Variants in CDKAL1 observed in about 807,000 individuals in gnomAD.
CDKAL1 encodes the protein CDKAL1 threonylcarbamoyladenosine tRNA methylthiotransferase.
CDKAL1 carries 32 observed loss-of-function variants against 68.2 expected under a neutral mutation model. That is an observed-to-expected ratio of 0.47 (90% CI 0.35 to 0.63). The LOEUF is 0.63. CDKAL1 is among the 30% of genes least tolerant of loss of function. The probability of loss-of-function intolerance (pLI) is 0.00; values close to 1 mark genes in which losing one functional copy is unlikely to be tolerated. For missense variants in CDKAL1, 606 were observed against 696.7 expected, an observed-to-expected ratio of 0.87 and a Z score of 1.47; for synonymous variants, 234 against 244.3, an observed-to-expected ratio of 0.96 and a Z score of 0.39.
intron 7 of CDKAL1, among the ~76,000 whole-genome samples, chr6:20,776,664 G>A (rs796716276): frequency 1.3e-5 from 2 of 152,128 alleles, no homozygotes; most frequent in Non-Finnish European, 2.9e-5. Flanking sequence ...GATGGCATGA[G>A]GAGGTCAACA....
intron 8 of CDKAL1, among the ~76,000 whole-genome samples, chr6:20,819,017 A>AT (rs1458391215): frequency 6.6e-6 from 1 of 152,088 alleles, no homozygotes; most frequent in African/African-American, 2.4e-5. Flanking sequence ...TAAAACAATC[A>AT]TTTTGTTGAA....
At chr6:20,549,647 C>A (rs1454610745) in intron 4 of CDKAL1, among the ~76,000 whole-genome samples, 4 of 150,622 alleles carry the variant, frequency 2.7e-5, no homozygotes. Flanking sequence ...CTCTTTGTGC[C>A]CCATTCTGGA....
At chr6:20,585,370 C>T (rs1005990824) in intron 4 of CDKAL1, among the ~76,000 whole-genome samples, 1 of 152,080 alleles carries the variant, frequency 6.6e-6, no homozygotes, top group East Asian at 1.9e-4. Context: ...TGTTTTTTGA[C>T]ACCACATTCT....
intron 10 of CDKAL1, among the ~76,000 whole-genome samples, chr6:20,991,579 C>T (rs1020235968): frequency 5.9e-5 from 9 of 151,430 alleles, no homozygotes; most frequent in African/African-American, 2.2e-4. Context: ...TGGTGGCGGG[C>T]GCCTGTAGTC....
chr6:20,908,092 G>T (rs930316558), intron 9 of CDKAL1, among the ~76,000 whole-genome samples: 1 of 152,136 alleles, frequency 6.6e-6, no homozygotes, highest in South Asian at 2.1e-4. Context: ...CCTTACCAGC[G>T]AAGGGCCTTC....
chr6:20,971,727 A>G (rs1581937821), intron 10 of CDKAL1, among the ~76,000 whole-genome samples: 1 of 152,242 alleles, frequency 6.6e-6, no homozygotes, highest in Admixed American at 6.5e-5. Context: ...AATCAGTTTT[A>G]TCATTAATCT....
At chr6:20,937,579 C>T (rs547877095) in intron 9 of CDKAL1, among the ~76,000 whole-genome samples, 2 of 152,356 alleles carry the variant, frequency 1.3e-5, no homozygotes, top group South Asian at 2.1e-4. Context: ...TCAGTCTCTT[C>T]ACTTCCAATC....
intron 13 of CDKAL1, among the ~76,000 whole-genome samples, chr6:21,154,565 G>A (rs9295497): frequency 0.079 from 12,032 of 152,202 alleles, 657 homozygotes; most frequent in East Asian, 0.27. Flanking sequence ...GGTGTAACTA[G>A]GTCTTTTGAT....
intron 13 of CDKAL1, among the ~76,000 whole-genome samples, chr6:21,133,693 C>G (rs1775438971): frequency 6.6e-6 from 1 of 152,190 alleles, no homozygotes; most frequent in Non-Finnish European, 1.5e-5. Context: ...ATTAGTTATT[C>G]ATTCATCTTG....
chr6:21,217,566 C>T lies in CDKAL1; in HGVS notation c.1549-13282C>T, dbSNP rs570091837. ...AGGCTGGAGTGCAATAACACGATCT[C>T]GGCTCACTGCAACCTCTGCCTCCCA... On this transcript the variant is annotated intron_variant, in intron 15 of 15. Coordinates refer to ENST00000274695, the MANE Select transcript of CDKAL1 (RefSeq NM_017774.3). Among the ~76,000 whole-genome samples the T allele has an allele frequency of 1.6e-4, 25 of 151,982 alleles. 1 individual carries two copies. The South Asian group carries it at 3.3e-3, about 20-fold the overall frequency.
At chr6:20,916,221 G>A (rs561047385) in intron 9 of CDKAL1, among the ~76,000 whole-genome samples, 6 of 152,196 alleles carry the variant, frequency 3.9e-5, no homozygotes, top group Non-Finnish European at 8.8e-5. Context: ...AATAAGGCCT[G>A]TAGTTAACAG....
intron 8 of CDKAL1, among the ~76,000 whole-genome samples, chr6:20,792,064 T>C (rs2150391862): frequency 6.6e-6 from 1 of 152,330 alleles, no homozygotes; most frequent in South Asian, 2.1e-4. Flanking sequence ...GACGAGGGCC[T>C]GTCAGTTTTT....
chr6:20,597,779 G>A (rs1019627217), intron 4 of CDKAL1, among the ~76,000 whole-genome samples: 5 of 152,086 alleles, frequency 3.3e-5, no homozygotes, highest in Non-Finnish European at 5.9e-5. Context: ...AAACCCTGCC[G>A]GATACCCATT....
chr6:20,802,312 C>CAAT (rs1349564349), intron 8 of CDKAL1, among the ~76,000 whole-genome samples: 81 of 99,688 alleles, frequency 8.1e-4, no homozygotes, highest in South Asian at 4.1e-3. Flanking sequence ...ACAACAACAA[C>CAAT]AACAATAATA....
chr6:20,830,543 T>C (rs1777674108), intron 8 of CDKAL1, among the ~76,000 whole-genome samples: 3 of 152,178 alleles, frequency 2.0e-5, no homozygotes, highest in South Asian at 2.1e-4. Context: ...AAACTAGTGG[T>C]AACATCTAAC....
chr6:20,790,614 C>A (rs1289741920), intron 8 of CDKAL1, among the ~76,000 whole-genome samples: 1 of 152,184 alleles, frequency 6.6e-6, no homozygotes, highest in African/African-American at 2.4e-5. Flanking sequence ...AGGCGCCCTG[C>A]CCACTCGGTC....
chr6:20,725,391 C>T (rs1204179365), intron 5 of CDKAL1, among the ~76,000 whole-genome samples: 2 of 152,236 alleles, frequency 1.3e-5, no homozygotes, highest in African/African-American at 4.8e-5. Context: ...TCAGATGCTG[C>T]ATGCTGTGCA....
At chr6:21,001,394 T>G (rs530314810) in intron 11 of CDKAL1, among the ~76,000 whole-genome samples, 12 of 152,298 alleles carry the variant, frequency 7.9e-5, no homozygotes, top group Admixed American at 2.6e-4. Flanking sequence ...CTTTTTCTTT[T>G]TTTTCCTTTT....
At chr6:20,671,203 A>G (rs1296106662) in intron 5 of CDKAL1, among the ~76,000 whole-genome samples, 1 of 151,998 alleles carries the variant, frequency 6.6e-6, no homozygotes, top group Non-Finnish European at 1.5e-5. Context: ...ATTCTTTATA[A>G]TTTTCACCAT....
Sources: allele counts gnomAD v4.1 joint callset (sites outside exome capture counted in the v4.1 genomes callset), GRCh38; gene constraint gnomAD v4.1.1; transcripts MANE v1.5; gene names NCBI Gene and HGNC (gene_info 2026-07-23, HGNC 2026-07-21).